The following KRT85 variants were observed in gnomAD, a reference collection of about 807,000 sequenced individuals.
KRT85 encodes keratin, type II cuticular Hb5.
KRT85 carries 39 observed loss-of-function variants against 53.7 expected under a neutral mutation model. The ratio of observed to expected loss-of-function variants is 0.73; its 90% CI spans 0.56 to 0.95. The LOEUF is 0.95. Ranked by LOEUF, KRT85 falls within the 40% of genes least tolerant of loss-of-function variation. KRT85 has a pLI of 0.00. For missense variants in KRT85, 668 were observed against 686.0 expected, an observed-to-expected ratio of 0.97 and a Z score of 0.29; for synonymous variants, 291 against 277.5, an observed-to-expected ratio of 1.05 and a Z score of -0.48.
rs1230458179 is a variant in KRT85, at chr12:52,367,365, A to T, written c.41T>A (p.Val14Asp). Residue 14 changes from valine (V) to aspartate (D), a missense_variant, in exon 1 of 9, where the codon GTC becomes GAC. Around this residue, in one of 3 missense-constraint regions of KRT85, gnomAD observed 158 missense variants for 141.8 expected, o/e 1.11. Coordinates refer to ENST00000257901, the MANE Select transcript of KRT85 (RefSeq NM_002283.4). The stretch of plus-strand genomic sequence containing the variant: ...TGAGCAGGAGCTGAAGTTCCTGGTG[A>T]CCCCGCATCCTGAGCTGATCCTGTA... ...RSYRISSGCGVTRNFSSCSAV... is the reference protein window; with the variant it reads ...RSYRISSGCGDTRNFSSCSAV... 2 of 1,614,054 alleles carry T rather than the reference A, an allele frequency of 1.2e-6. No individual in the cohort carries two copies. The highest frequency in any genetic ancestry group is 1.1e-5 in the South Asian group (1 of 91,072).
chr12:52,364,271 G>A (rs1939239281), intron 3 of KRT85, 35 bp downstream of exon 3: 6 of 1,613,878 alleles, frequency 3.7e-6, no homozygotes, highest in Non-Finnish European at 5.1e-6. Context: ...GCACTGATGG[G>A]CCCCCTCCTC....
chr12:52,367,374 C>G lies in KRT85; in HGVS notation c.32G>C (p.Gly11Ala), dbSNP rs755207063. The change falls in exon 1 of 9, where the codon GGA (glycine) becomes GCA (alanine). Residue 11 changes from glycine (G) to alanine (A), a missense_variant. Physicochemically the swap from Gly to Ala is moderately conservative, Grantham distance 60. This residue lies in a region of KRT85 where 158 missense variants were observed against 141.8 expected (regional missense o/e 1.11). Transcript: ENST00000257901. Reference protein sequence around the residue: MSCRSYRISSGCGVTRNFSSC... With the variant: MSCRSYRISSACGVTRNFSSC... Reference sequence around the variant, plus strand: ...GCTGAAGTTCCTGGTGACCCCGCATCCTGAGCTGATCCTGTAGGAGCGGCA... The same window carrying G: ...GCTGAAGTTCCTGGTGACCCCGCATGCTGAGCTGATCCTGTAGGAGCGGCA... 2.3e-5 allele frequency: 37 copies of G among 1,614,000 alleles called. 1 individual carries two copies. The South Asian group carries it at 3.8e-4, about 17-fold the overall frequency.
In KRT85 at chr12:52,360,934, C is replaced by T. The variant is rs1473921977; in HGVS notation, c.1443G>A (p.Val481=). 47 of 1,612,594 alleles carry T rather than the reference C, an allele frequency of 2.9e-5. No individual in the cohort carries two copies. Among genetic ancestry groups the T allele is most frequent in the Non-Finnish European group, 3.8e-5 (45 of 1,179,934 alleles). Residue 481 remains valine, a synonymous_variant, in exon 9 of 9, where the codon GTG becomes GTA. Transcript: ENST00000257901. ...GGCAGGGGGCACAGGAGTCAGGGGCCACCACCGTGATGCTGCCGCCTATGG... is the reference window on the plus strand; with the variant it reads ...GGCAGGGGGCACAGGAGTCAGGGGCTACCACCGTGATGCTGCCGCCTATGG... The part of the protein sequence containing the change: ...PSAIGGSITV[V]APDSCAPCQP...
In KRT85 at chr12:52,362,456, CCTCCAGCT is replaced by C; in HGVS notation, c.1085_1092del (p.Lys362SerfsTer5). On this transcript the variant is annotated frameshift_variant, in exon 7 of 9. Transcript: ENST00000257901. LOFTEE classifies it high-confidence loss of function. ...TGCTGCTCTGCCTCAGCCACAGCAG[CCTCCAGCT>C]TGGCACGCTATCAGGTGGAGATACA... is the stretch of plus-strand genomic sequence containing the variant. 1 of 1,614,190 alleles carries C rather than the reference CCTCCAGCT, an allele frequency of 6.2e-7. No homozygotes were observed. The highest frequency in any genetic ancestry group is 1.1e-5 in the South Asian group (1 of 91,088).
In KRT85 at chr12:52,367,378, A is replaced by G. The variant is rs767121268; in HGVS notation, c.28T>C (p.Ser10Pro). The change falls in exon 1 of 9, where the codon TCA (serine) becomes CCA (proline). Residue 10 changes from serine to proline, a missense_variant. Ser to Pro is a moderately conservative substitution (Grantham distance 74). Around this residue, in one of 3 missense-constraint regions of KRT85, gnomAD observed 158 missense variants for 141.8 expected, o/e 1.11. Coordinates refer to ENST00000257901, the MANE Select transcript of KRT85 (RefSeq NM_002283.4). MSCRSYRISSGCGVTRNFSS... is the reference protein window; with the variant it reads MSCRSYRISPGCGVTRNFSS... Reference sequence around the variant, plus strand: ...AAGTTCCTGGTGACCCCGCATCCTGAGCTGATCCTGTAGGAGCGGCACGAC... The same window carrying G: ...AAGTTCCTGGTGACCCCGCATCCTGGGCTGATCCTGTAGGAGCGGCACGAC... 2 of 1,614,070 alleles carry G rather than the reference A, an allele frequency of 1.2e-6. No homozygotes were observed. Among genetic ancestry groups the G allele is most frequent in the Non-Finnish European group, 1.7e-6 (2 of 1,180,012 alleles).
chr12:52,360,404 T>G lies in KRT85; in HGVS notation c.*449A>C. 1 of 235,990 alleles carries G rather than the reference T, an allele frequency of 4.2e-6. No individual in the cohort carries two copies. Among genetic ancestry groups the G allele is most frequent in the Non-Finnish European group, 8.4e-6 (1 of 118,650 alleles). The allele number at this position is 235,990 out of a possible 1,614,324, so 14.6% of individuals were successfully genotyped here. ...AGGCAAGTGCTTGCTGGGGGACCAT[T>G]CTTCCCAGCCAGGAGGAGGGGGCTG... is the stretch of plus-strand genomic sequence containing the variant. On this transcript the variant is annotated 3_prime_UTR_variant, in exon 9 of 9. Transcript: ENST00000257901.
Position 52,365,036 on chromosome 12 carries a change from G to A in KRT85, c.555C>T (p.Cys185=), listed in dbSNP as rs377276034. 1.4e-5 allele frequency: 22 copies of A among 1,613,258 alleles called. 1 individual carries two copies. Among genetic ancestry groups the A allele is most frequent in the South Asian group, 9.9e-5 (9 of 91,036 alleles). ...YIETLRREAE[C]VEADSGRLAS... Reference sequence around the variant, plus strand: ...CCAGCCTCCCGCTGTCGGCCTCCACGCACTCGGCCTCCCGCCGCAGAGTCT... The same window carrying A: ...CCAGCCTCCCGCTGTCGGCCTCCACACACTCGGCCTCCCGCCGCAGAGTCT... The change falls in exon 2 of 9, where the codon TGC becomes TGT. Residue 185 remains cysteine, a synonymous_variant. Transcript: ENST00000257901.
chr12:52,360,297 CATG>C lies in KRT85; in HGVS notation c.*553_*555del, dbSNP rs1939170468. The C allele has an allele frequency of 5.7e-6, 1 of 174,240 alleles. No individual in the cohort carries two copies. The highest frequency in any genetic ancestry group is 1.2e-5 in the Non-Finnish European group (1 of 81,174). 10.8% of individuals were successfully genotyped at this position (174,240 alleles called of 1,614,324 possible). ...AATGGGCTTCTCAACTGCGAGGTCA[CATG>C]AGGAGCCTGGCTGGAACAGGTTAGC... On this transcript the variant is annotated 3_prime_UTR_variant, in exon 9 of 9. Coordinates refer to ENST00000257901, the MANE Select transcript of KRT85 (RefSeq NM_002283.4).
At position 52,366,712 on chromosome 12, in the gene KRT85, G is replaced by A. The variant is rs983804103; in HGVS notation, c.420+274C>T. Among the ~76,000 whole-genome samples the A allele has an allele frequency of 3.3e-5, 5 of 151,442 alleles. 1 individual carries two copies. The highest frequency in any genetic ancestry group is 7.4e-5 in the Non-Finnish European group (5 of 67,882). ...ATATACACACCACACACTAACATAC[G>A]TACAGGCGCACACACCGCTACACAC... On this transcript the variant is annotated intron_variant, in intron 1 of 8. Coordinates refer to ENST00000257901, the MANE Select transcript of KRT85 (RefSeq NM_002283.4).
At position 52,362,998 on chromosome 12, in the gene KRT85, C is replaced by A. The variant is rs1939216716; in HGVS notation, c.952-19G>T. The A allele has an allele frequency of 3.1e-6, 5 of 1,614,132 alleles. No homozygotes were observed. The highest frequency in any genetic ancestry group is 3.4e-6 in the Non-Finnish European group (4 of 1,180,012). Reference sequence around the variant, plus strand: ...CCTCACACTGGAGGAAGTAGAGATGCTCATGAGGCTCAGGGTGGGGCCCCC... The same window carrying A: ...CCTCACACTGGAGGAAGTAGAGATGATCATGAGGCTCAGGGTGGGGCCCCC... On this transcript the variant is annotated intron_variant, in intron 5 of 8. Coordinates refer to ENST00000257901, the MANE Select transcript of KRT85 (RefSeq NM_002283.4).
chr12:52,362,760 T>C, intron 6 of KRT85, 94 bp downstream of exon 6: 2 of 1,582,576 alleles, frequency 1.3e-6, no homozygotes, highest in Non-Finnish European at 1.7e-6. Flanking sequence ...TCCCTCTGGG[T>C]CCCTGCTTCC....
intron 7 of KRT85, among the ~76,000 whole-genome samples, chr12:52,361,990 G>T (rs1040548042): frequency 3.3e-5 from 5 of 152,150 alleles, no homozygotes; most frequent in African/African-American, 4.8e-5. Context: ...CATGATAAAG[G>T]CACTGAATTC....
intron 2 of KRT85, chr12:52,364,675 CAT>C: frequency 7.0e-7 from 1 of 1,437,848 alleles, no homozygotes; most frequent in Non-Finnish European, 9.1e-7. Context: ...TCACAGAGCC[CAT>C]GTCATAAAGG....
chr12:52,362,303 G>C lies in KRT85; in HGVS notation c.1246C>G (p.Leu416Val). 1 of 1,614,156 alleles carries C rather than the reference G, an allele frequency of 6.2e-7. No individual in the cohort carries two copies. Among genetic ancestry groups the C allele is most frequent in the Non-Finnish European group, 8.5e-7 (1 of 1,180,014 alleles). The change falls in exon 7 of 9, where the codon CTG becomes GTG. Residue 416 changes from leucine (L) to valine (V), a missense_variant. Physicochemically the swap from Leu to Val is conservative, Grantham distance 32 (BLOSUM62 1). Around this residue, in one of 3 missense-constraint regions of KRT85, gnomAD observed 488 missense variants for 498.1 expected, o/e 0.98. Coordinates refer to ENST00000257901, the MANE Select transcript of KRT85 (RefSeq NM_002283.4). ...CTGTAGGTGGCGATCTCGATGTCCA[G>C]GCCCAGCTTGGAGTTCATCACCTCC... ...YQEVMNSKLG[L>V]DIEIATYRRL...
rs1490743273 is a variant in KRT85 at position 52,360,215 on chromosome 12, C to T, written c.*638G>A. ...AAATGTACAAAGGTTCACTGAATAG[C>T]AAGACCTGTCCAAAGTGCCCTAACC... On this transcript the variant is annotated 3_prime_UTR_variant, in exon 9 of 9. Transcript: ENST00000257901. 6.1e-6 allele frequency: 1 copy of T among 164,280 alleles called. No individual in the cohort carries two copies. The highest frequency in any genetic ancestry group is 2.4e-5 in the African/African-American group (1 of 41,490). The allele number at this position is 164,280 out of a possible 1,614,324, so 10.2% of individuals were successfully genotyped here. A position where few individuals can be genotyped will look rare whatever the true frequency, so the allele number is the denominator to read the frequency against.
chr12:52,360,912 AG>A lies in KRT85; in HGVS notation c.1464del (p.Cys489AlafsTer43). The A allele has an allele frequency of 6.2e-7, 1 of 1,612,584 alleles. No individual in the cohort carries two copies. Among genetic ancestry groups the A allele is most frequent in the Non-Finnish European group, 8.5e-7 (1 of 1,179,994 alleles). On this transcript the variant is annotated frameshift_variant, in exon 9 of 9. Coordinates refer to ENST00000257901, the MANE Select transcript of KRT85 (RefSeq NM_002283.4). LOFTEE classifies it high-confidence loss of function. Reference protein sequence around the residue: ...ITVVAPDSCAPCQPRSSSFSC... With the variant: ...ITVVAPDSCAXCQPRSSSFSC... ...CTGAAGCTGGAGGAACGAGGCTGGC[AG>A]GGGGCACAGGAGTCAGGGGCCACCA...
At chr12:52,366,071 C>T (rs1184433350) in intron 1 of KRT85, among the ~76,000 whole-genome samples, 2 of 152,210 alleles carry the variant, frequency 1.3e-5, no homozygotes, top group East Asian at 3.9e-4. Context: ...CAGGAGGAGC[C>T]TGTGAAGGAG....
At chr12:52,364,231 G>T in intron 3 of KRT85, 68 bp from the exon 4 acceptor site, 1 of 1,610,806 alleles carries the variant, frequency 6.2e-7, no homozygotes, top group Admixed American at 1.7e-5. Flanking sequence ...CCTTTGGTCA[G>T]CATGGTGACC....
rs764935853 is a variant in KRT85, at chr12:52,367,426, C to T, written c.-21G>A. 8 of 1,613,720 alleles carry T rather than the reference C, an allele frequency of 5.0e-6. No homozygotes were observed. The African/African-American group carries it at 9.3e-5, about 19-fold the overall frequency. ...GACATCGTGTGAGGCTGAGCAGAGT[C>T]TGAGAGGCAGCGGAAGGTGGTGCGG... On this transcript the variant is annotated 5_prime_UTR_variant, in exon 1 of 9. Coordinates refer to ENST00000257901, the MANE Select transcript of KRT85 (RefSeq NM_002283.4).
Sources: gnomAD v4.1 joint callset for allele counts (sites outside exome capture counted in the v4.1 genomes callset) on GRCh38, gnomAD v4.1.1 for gene constraint, gnomAD v4.1.1 regional missense constraint, MANE v1.5 for transcripts, NCBI Gene and HGNC (gene_info 2026-07-23, HGNC 2026-07-21) for gene names.